Variants in CADM2 observed in about 807,000 individuals in gnomAD.
CADM2 encodes the protein immunoglobulin superfamily member 4D.
A neutral mutation model predicts 49.8 loss-of-function variants in CADM2; 12 were observed. That is an observed-to-expected ratio of 0.24 (90% confidence interval 0.15 to 0.39). The LOEUF is 0.39. CADM2 is among the 10% of genes least tolerant of loss of function. The probability of loss-of-function intolerance (pLI) is 1.00; values close to 1 mark genes in which losing one functional copy is unlikely to be tolerated. For synonymous variants in CADM2, 214 were observed against 175.4 expected (o/e 1.22, Z -1.74); for missense variants, 378 against 492.3 (o/e 0.77, Z 2.20).
chr3:85,148,234 A>C (rs2107641122), intron 1 of CADM2, among the ~76,000 whole-genome samples: 1 of 152,310 alleles, frequency 6.6e-6, no homozygotes, highest in African/African-American at 2.4e-5. Flanking sequence ...TCCAAAGCTA[A>C]GTCCGACTCA....
chr3:85,906,467 G>T (rs1716828498), intron 5 of CADM2, among the ~76,000 whole-genome samples: 1 of 152,076 alleles, frequency 6.6e-6, no homozygotes, highest in South Asian at 2.1e-4. Context: ...CTATTAAGAA[G>T]AGCTGAATTT....
chr3:85,273,586 A>C (rs1249399935), intron 1 of CADM2, among the ~76,000 whole-genome samples: 1 of 149,826 alleles, frequency 6.7e-6, no homozygotes, highest in African/African-American at 2.4e-5. Context: ...GCGAAGGAGG[A>C]CCCCCCCCAA....
At chr3:85,380,798 T>C (rs906735228) in intron 1 of CADM2, among the ~76,000 whole-genome samples, 6 of 151,998 alleles carry the variant, frequency 3.9e-5, no homozygotes, top group African/African-American at 1.4e-4. Flanking sequence ...TTTTAGAATA[T>C]AATTACTAAG....
At chr3:85,586,353 A>G (rs1427658229) in intron 1 of CADM2, among the ~76,000 whole-genome samples, 1 of 152,118 alleles carries the variant, frequency 6.6e-6, no homozygotes, top group Non-Finnish European at 1.5e-5. Flanking sequence ...ACAAAACAAA[A>G]ACAAAAACAG....
chr3:85,211,827 CT>C lies in CADM2; in HGVS notation c.61+252166del, dbSNP rs376544394. On this transcript the variant is annotated intron_variant, in intron 1 of 9. Transcript: ENST00000383699. Reference sequence around the variant, plus strand: ...ATAGTACAAGTTAAGTCTGATGTTTCTTTTTTTGATTTTCTGTCTGGATGAT... The same window carrying C: ...ATAGTACAAGTTAAGTCTGATGTTTCTTTTTTGATTTTCTGTCTGGATGAT... 5.7e-4 allele frequency among the ~76,000 whole-genome samples: 87 copies of C among 152,048 alleles called. No homozygotes were observed. The East Asian group carries it at 0.015, about 25-fold the overall frequency.
At chr3:85,584,849 G>A (rs1034112896) in intron 1 of CADM2, among the ~76,000 whole-genome samples, 9 of 151,888 alleles carry the variant, frequency 5.9e-5, no homozygotes, top group Non-Finnish European at 1.2e-4. Flanking sequence ...TTTAAAGCTT[G>A]TGCTACTTCT....
intron 8 of CADM2, among the ~76,000 whole-genome samples, chr3:86,012,056 A>G (rs1731581097): frequency 6.6e-6 from 1 of 152,052 alleles, no homozygotes; most frequent in African/African-American, 2.4e-5. Flanking sequence ...ATATACTCAT[A>G]TGGAAATATT....
At chr3:85,357,675 C>T (rs924622200) in intron 1 of CADM2, among the ~76,000 whole-genome samples, 3 of 19,922 alleles carry the variant, frequency 1.5e-4, no homozygotes, top group Middle Eastern at 0.026. Context: ...ATACTACCTT[C>T]CCAAGGTCGC....
chr3:85,574,697 A>G (rs569459962), intron 1 of CADM2, among the ~76,000 whole-genome samples: 4 of 152,298 alleles, frequency 2.6e-5, no homozygotes, highest in South Asian at 2.1e-4. Context: ...GAAAATATAT[A>G]CCCAGTGTAA....
rs1470422186 is a variant in CADM2 at position 85,503,064 on chromosome 3, A to G, written c.62-223458A>G. Among the ~76,000 whole-genome samples, 7 of 124,036 alleles carry G rather than the reference A, an allele frequency of 5.6e-5. No homozygotes were observed. The Admixed American group carries it at 6.1e-4, about 11-fold the overall frequency. The allele number at this position is 124,036 out of a possible 152,430, so 81.4% of individuals were successfully genotyped here. A position where few individuals can be genotyped will look rare whatever the true frequency, so the allele number is the denominator to read the frequency against. ...GTTCCCACCCTAAGTTTTAGTTGAAATGGTAGCCACACATACTTACATATA... is the reference window on the plus strand; with the variant it reads ...GTTCCCACCCTAAGTTTTAGTTGAAGTGGTAGCCACACATACTTACATATA... On this transcript the variant is annotated intron_variant, in intron 1 of 9. Coordinates refer to ENST00000383699, the MANE Select transcript of CADM2 (RefSeq NM_001167675.2).
chr3:85,559,691 T>C (rs375609597), intron 1 of CADM2, among the ~76,000 whole-genome samples: 3 of 143,634 alleles, frequency 2.1e-5, no homozygotes, highest in African/African-American at 5.1e-5. Context: ...CACACACATA[T>C]ATATATATCA....
intron 3 of CADM2, among the ~76,000 whole-genome samples, chr3:85,853,892 G>A (rs1229601294): frequency 6.6e-6 from 1 of 152,074 alleles, no homozygotes; most frequent in South Asian, 2.1e-4. Flanking sequence ...ACTTTTTCAT[G>A]AGCTAACCTA....
chr3:86,017,604 G>A lies in CADM2; in HGVS notation c.971-48001G>A, dbSNP rs538106805. ...ATTAGCCGGGCACAGTAGCATACAC[G>A]TGTAGTCTCAGCTCTTCAGGAAGCT... On this transcript the variant is annotated intron_variant, in intron 8 of 9. Transcript: ENST00000383699. 4.0e-5 allele frequency among the ~76,000 whole-genome samples: 6 copies of A among 151,634 alleles called. 1 individual carries two copies. The highest frequency in any genetic ancestry group is 1.4e-4 in the African/African-American group (6 of 41,422).
rs188822848 is a variant in CADM2, at chr3:86,008,185, A to G, written c.970+46538A>G. ...ATAGTATTGCAAAATGTAAAACTGA[A>G]TATCTTTTCTAGTCAAGGAAAATCT... On this transcript the variant is annotated intron_variant, in intron 8 of 9. Transcript: ENST00000383699. Among the ~76,000 whole-genome samples the G allele has an allele frequency of 2.4e-4, 37 of 152,260 alleles. No individual in the cohort carries two copies. The East Asian group carries it at 6.6e-3, about 27-fold the overall frequency.
chr3:85,048,718 G>T (rs891584963), intron 1 of CADM2, among the ~76,000 whole-genome samples: 1 of 152,146 alleles, frequency 6.6e-6, no homozygotes, highest in African/African-American at 2.4e-5. Flanking sequence ...GAACTCCCAA[G>T]ATTGCAGGTA....
intron 2 of CADM2, among the ~76,000 whole-genome samples, chr3:85,779,337 G>A (rs72908504): frequency 0.04 from 6,125 of 152,068 alleles, 390 homozygotes; most frequent in African/African-American, 0.14. Flanking sequence ...TTTGCGCTGA[G>A]CATCTTTTAT....
chr3:85,471,571 T>C (rs1212278426), intron 1 of CADM2, among the ~76,000 whole-genome samples: 1 of 152,106 alleles, frequency 6.6e-6, no homozygotes, highest in Non-Finnish European at 1.5e-5. Flanking sequence ...TGGAATTTTT[T>C]AGTTAGATTT....
In CADM2 at chr3:85,150,705, G is replaced by A. The variant is rs927814347; in HGVS notation, c.61+191037G>A. Among the ~76,000 whole-genome samples, 8 of 151,344 alleles carry A rather than the reference G, an allele frequency of 5.3e-5. No homozygotes were observed. The East Asian group carries it at 1.6e-3, about 30-fold the overall frequency. On this transcript the variant is annotated intron_variant, in intron 1 of 9. Transcript: ENST00000383699. ...GGATCACAAGGTCAGGAGTTCAAGAGCAGCCTGGCCAACATAGTGAAACCG... is the reference window on the plus strand; with the variant it reads ...GGATCACAAGGTCAGGAGTTCAAGAACAGCCTGGCCAACATAGTGAAACCG...
intron 1 of CADM2, among the ~76,000 whole-genome samples, chr3:85,369,111 A>G (rs1194125541): frequency 6.6e-6 from 1 of 152,196 alleles, no homozygotes; most frequent in African/African-American, 2.4e-5. Context: ...TTATTGGAGG[A>G]ATTAAGAATT....
Sources: gnomAD v4.1 joint callset for allele counts (sites outside exome capture counted in the v4.1 genomes callset) on GRCh38, gnomAD v4.1.1 for gene constraint, MANE v1.5 for transcripts, NCBI Gene and HGNC (gene_info 2026-07-23, HGNC 2026-07-21) for gene names.